The following STK32A variants were observed in gnomAD, a reference collection of about 807,000 sequenced individuals.
The protein encoded by STK32A is serine/threonine kinase 32A.
STK32A carries 41 observed loss-of-function variants against 53.2 expected under a neutral mutation model. The observed-to-expected ratio is 0.77, with a 90% CI of 0.60 to 1.00. STK32A has a LOEUF of 1.00. Among genes scored for constraint, STK32A ranks in the 50% least tolerant of loss-of-function variants. The pLI is 0.00. For synonymous variants in STK32A, 166 were observed against 162.8 expected, an observed-to-expected ratio of 1.02 and a Z score of -0.15; for missense variants, 458 against 485.8, an observed-to-expected ratio of 0.94 and a Z score of 0.54.
chr5:147,373,276 T>G lies in STK32A; in HGVS notation c.885T>G (p.Ile295Met). 3.1e-6 allele frequency: 5 copies of G among 1,613,314 alleles called. No individual in the cohort carries two copies. Among genetic ancestry groups the G allele is most frequent in the Non-Finnish European group, 4.2e-6 (5 of 1,179,512 alleles). The part of the protein sequence containing the change: ...NWDAVFQKRL[I>M]PGFIPNKGRL... ...ATGCAGTTTTTCAGAAGAGGCTCAT[T>G]CCAGGTTTCATTCCTAATGTGAGTC... Residue 295 changes from isoleucine to methionine, a missense_variant, in exon 10 of 13, where the codon ATT becomes ATG. Physicochemically the swap from Ile to Met is conservative, Grantham distance 10. Coordinates refer to ENST00000397936, the MANE Select transcript of STK32A (RefSeq NM_001112724.2).
At chr5:147,399,174 G>A in the STK32A span, 6 of 1,614,202 alleles carry the variant, frequency 3.7e-6, no homozygotes, top group African/African-American at 1.3e-5. Context: ...CTTCCCTTGC[G>A]GGGATACAGG....
rs753525172 is a variant in STK32A, at chr5:147,361,544, G to A, written c.590G>A (p.Gly197Glu). The A allele has an allele frequency of 6.2e-7, 1 of 1,613,324 alleles. No homozygotes were observed. The highest frequency in any genetic ancestry group is 1.1e-5 in the South Asian group (1 of 90,838). ...MAPEMFSSRK[G>E]AGYSFAVDWW... ...CCTGAGATGTTCAGCTCCAGAAAAG[G>A]AGCAGGCTATTCCTTTGCTGTTGAC... The change falls in exon 8 of 13, where the codon GGA becomes GAA. Residue 197 changes from glycine to glutamate, a missense_variant. Physicochemically the swap from Gly to Glu is moderately conservative, Grantham distance 98. Coordinates refer to ENST00000397936, the MANE Select transcript of STK32A (RefSeq NM_001112724.2).
At position 147,289,996 on chromosome 5, in the gene STK32A, C is replaced by T. The variant is rs115119808; in HGVS notation, c.260+10598C>T. ...TTTTTAGTATATGGCCCAAATATCACGAGATATATTTTTACTGAAAATTTT... is the reference window on the plus strand; with the variant it reads ...TTTTTAGTATATGGCCCAAATATCATGAGATATATTTTTACTGAAAATTTT... On this transcript the variant is annotated intron_variant, in intron 4 of 12. Transcript: ENST00000397936. Among the ~76,000 whole-genome samples the T allele has an allele frequency of 5.9e-3, 900 of 152,130 alleles. 6 individuals are homozygous for T. Among genetic ancestry groups the T allele is most frequent in the African/African-American group, 0.02 (833 of 41,528 alleles).
intron 10 of STK32A, among the ~76,000 whole-genome samples, chr5:147,373,837 T>A (rs1757112688): frequency 6.6e-6 from 1 of 152,156 alleles, no homozygotes. Flanking sequence ...ACTTCTGTGG[T>A]CTACTGCATT....
At chr5:147,249,506 T>G (rs1394719195) in intron 2 of STK32A, among the ~76,000 whole-genome samples, 1 of 151,502 alleles carries the variant, frequency 6.6e-6, no homozygotes, top group African/African-American at 2.4e-5. Flanking sequence ...TTCTGGGGGG[T>G]GGGAGGCAGA....
chr5:147,246,449 GTGTT>G (rs1753769114), intron 2 of STK32A, among the ~76,000 whole-genome samples: 1 of 152,148 alleles, frequency 6.6e-6, no homozygotes, highest in Non-Finnish European at 1.5e-5. Flanking sequence ...AGAGCTTCCA[GTGTT>G]TGTTAGCATA....
At position 147,383,509 on chromosome 5, in the gene STK32A, A is replaced by T; in HGVS notation, c.1097+4A>T. On this transcript the variant is annotated splice_donor_region_variant and intron_variant, in intron 12 of 12. Transcript: ENST00000397936. ...TCATAATTTTCAACAGAGAAAAGTA[A>T]GTAATTCCTGGGAGAACAACAGCCC... is the stretch of plus-strand genomic sequence containing the variant. The T allele has an allele frequency of 6.3e-7, 1 of 1,584,458 alleles. No individual in the cohort carries two copies. Among genetic ancestry groups the T allele is most frequent in the Admixed American group, 1.8e-5 (1 of 56,076 alleles).
At chr5:147,294,162 A>C (rs1376108224) in intron 4 of STK32A, among the ~76,000 whole-genome samples, 1 of 152,212 alleles carries the variant, frequency 6.6e-6, no homozygotes, top group Non-Finnish European at 1.5e-5. Flanking sequence ...AAAACTTATA[A>C]ACAATTCTCT....
intron 2 of STK32A, among the ~76,000 whole-genome samples, chr5:147,257,688 G>A (rs1754298191): frequency 6.6e-6 from 1 of 152,092 alleles, no homozygotes; most frequent in Non-Finnish European, 1.5e-5. Context: ...GCAGCACAAG[G>A]TAGGGTCCTT....
intron 4 of STK32A, among the ~76,000 whole-genome samples, chr5:147,314,029 T>C (rs925293365): frequency 6.6e-6 from 1 of 151,934 alleles, no homozygotes; most frequent in African/African-American, 2.4e-5. Flanking sequence ...TCCTCAGATA[T>C]GACCCCAAAA....
chr5:147,390,336 T>C (rs915211258), downstream of STK32A, among the ~76,000 whole-genome samples: 1 of 152,198 alleles, frequency 6.6e-6, no homozygotes, highest in Non-Finnish European at 1.5e-5. Flanking sequence ...TTCCGTACAC[T>C]GATTTTACTC....
intron 11 of STK32A, chr5:147,375,527 G>A (rs1247533819): frequency 8.6e-6 from 2 of 232,150 alleles, no homozygotes; most frequent in African/African-American, 2.3e-5. Context: ...GCCAAGCTTA[G>A]GTCAGGGGAT....
intron 2 of STK32A, among the ~76,000 whole-genome samples, chr5:147,247,427 A>C (rs1199415663): frequency 1.3e-5 from 2 of 152,260 alleles, no homozygotes; most frequent in Admixed American, 1.3e-4. Context: ...ATAGATTTTG[A>C]ATCCAATAGC....
chr5:147,261,852 G>T (rs1040421224), intron 2 of STK32A, among the ~76,000 whole-genome samples: 1 of 151,828 alleles, frequency 6.6e-6, no homozygotes, highest in African/African-American at 2.4e-5. Flanking sequence ...TTTGGAAAAG[G>T]CATGTATTCA....
intron 8 of STK32A, among the ~76,000 whole-genome samples, chr5:147,366,980 T>A (rs1756778042): frequency 6.6e-6 from 1 of 152,168 alleles, no homozygotes; most frequent in Admixed American, 6.5e-5. Flanking sequence ...TCAATTTTTA[T>A]TTTTTATCTC....
intron 4 of STK32A, among the ~76,000 whole-genome samples, chr5:147,301,448 T>C (rs1753128858): frequency 6.6e-6 from 1 of 152,140 alleles, no homozygotes. Flanking sequence ...TTGCTAGAAA[T>C]GAAATGTCCC....
rs374333610 is a variant in STK32A at position 147,310,599 on chromosome 5, A to G, written c.261-13299A>G. ...ATCCCATCAGTGACCCAAGCTCTCC[A>G]ACTTAGACTAGTTTCTCTGTGATCG... On this transcript the variant is annotated intron_variant, in intron 4 of 12. Transcript: ENST00000397936. Among the ~76,000 whole-genome samples, 65 of 152,328 alleles carry G rather than the reference A, an allele frequency of 4.3e-4. 1 individual carries two copies. The highest frequency in any genetic ancestry group is 3.9e-3 in the South Asian group (19 of 4,826).
intron 4 of STK32A, among the ~76,000 whole-genome samples, chr5:147,323,292 A>C (rs1359209824): frequency 1.3e-5 from 2 of 152,182 alleles, no homozygotes; most frequent in African/African-American, 4.8e-5. Context: ...ATTCCTCAAA[A>C]TTGAGCTCTG....
At chr5:147,271,665 G>A (rs1043317982) in intron 2 of STK32A, among the ~76,000 whole-genome samples, 1 of 152,090 alleles carries the variant, frequency 6.6e-6, no homozygotes, top group African/African-American at 2.4e-5. Flanking sequence ...GGCCCCCTTG[G>A]GTGTGGCCGT....
Sources: gnomAD v4.1 joint callset for allele counts (sites outside exome capture counted in the v4.1 genomes callset) on GRCh38, gnomAD v4.1.1 for gene constraint, MANE v1.5 for transcripts, NCBI Gene and HGNC (gene_info 2026-07-23, HGNC 2026-07-21) for gene names.